NUBPL: variants seen among roughly 807,000 people sequenced by gnomAD.
The protein encoded by NUBPL is NUBP iron-sulfur cluster assembly factor, mitochondrial.
In NUBPL, 31 loss-of-function variants were observed where a neutral mutation model predicts 45.7. That is an observed-to-expected ratio of 0.68 (90% CI 0.51 to 0.92). The LOEUF (loss-of-function observed/expected upper bound fraction) is 0.92. Among genes scored for constraint, NUBPL ranks in the 40% least tolerant of loss-of-function variants. The pLI is 0.00. For missense variants in NUBPL, 401 were observed against 398.7 expected (o/e 1.01, Z -0.05); for synonymous variants, 144 against 140.9 (o/e 1.02, Z -0.15).
At chr14:31,848,700 C>A (rs751230414) in intron 9 of NUBPL, among the ~76,000 whole-genome samples, 3 of 152,204 alleles carry the variant, frequency 2.0e-5, no homozygotes, top group African/African-American at 4.8e-5. Context: ...TAGCCCATTA[C>A]CATTCTTACT....
chr14:31,570,103 C>T (rs982019603), intron 3 of NUBPL, among the ~76,000 whole-genome samples: 6 of 151,982 alleles, frequency 3.9e-5, no homozygotes, highest in Admixed American at 6.5e-5. Flanking sequence ...TGCCAGACAC[C>T]GGCAGAAAGT....
At chr14:31,720,556 G>T (rs2037785681) in intron 6 of NUBPL, among the ~76,000 whole-genome samples, 1 of 152,070 alleles carries the variant, frequency 6.6e-6, no homozygotes, top group East Asian at 1.9e-4. Context: ...AGAGTCCTTT[G>T]TGTACTTTGT....
chr14:31,570,884 A>C (rs1233630353), intron 3 of NUBPL, among the ~76,000 whole-genome samples: 1 of 152,208 alleles, frequency 6.6e-6, no homozygotes, highest in East Asian at 1.9e-4. Flanking sequence ...ACCTGCCCGT[A>C]CTTAGTTAAA....
chr14:31,786,615 C>T (rs1369636801), intron 6 of NUBPL, among the ~76,000 whole-genome samples: 1 of 152,196 alleles, frequency 6.6e-6, no homozygotes, highest in Non-Finnish European at 1.5e-5. Context: ...ATCGTCAATA[C>T]CTAGCTCAAT....
intron 4 of NUBPL, among the ~76,000 whole-genome samples, chr14:31,639,011 C>T (rs2035597690): frequency 6.6e-6 from 1 of 152,132 alleles, no homozygotes; most frequent in Non-Finnish European, 1.5e-5. Context: ...AAGTTTTTCA[C>T]TTCTTTGCCT....
chr14:31,756,292 G>T (rs1008725513), intron 6 of NUBPL, among the ~76,000 whole-genome samples: 1 of 152,174 alleles, frequency 6.6e-6, no homozygotes, highest in Admixed American at 6.5e-5. Context: ...TCCTTGGGCA[G>T]TATGGTCATT....
At chr14:31,740,636 A>G (rs1366723883) in intron 6 of NUBPL, among the ~76,000 whole-genome samples, 1 of 152,118 alleles carries the variant, frequency 6.6e-6, no homozygotes, top group East Asian at 1.9e-4. Context: ...TCTTATGCAG[A>G]GCAGAAATTT....
At chr14:31,579,831 A>G (rs2033816520) in intron 3 of NUBPL, among the ~76,000 whole-genome samples, 1 of 152,340 alleles carries the variant, frequency 6.6e-6, no homozygotes, top group South Asian at 2.1e-4. Context: ...AACTATTAAT[A>G]TCTAGGGTGT....
chr14:31,603,163 G>A (rs2034491192), intron 4 of NUBPL, among the ~76,000 whole-genome samples: 1 of 151,792 alleles, frequency 6.6e-6, no homozygotes, highest in Admixed American at 6.6e-5. Context: ...AGCTGGGCAT[G>A]GTGGCTCACA....
At chr14:31,769,813 T>C (rs2038977027) in intron 6 of NUBPL, among the ~76,000 whole-genome samples, 1 of 152,150 alleles carries the variant, frequency 6.6e-6, no homozygotes, top group Non-Finnish European at 1.5e-5. Context: ...GGAAACTTAG[T>C]GCTTACCTAA....
intron 7 of NUBPL, among the ~76,000 whole-genome samples, chr14:31,823,564 A>C (rs2040051806): frequency 6.6e-6 from 1 of 152,116 alleles, no homozygotes; most frequent in South Asian, 2.1e-4. Flanking sequence ...CCCTTAAATA[A>C]GATTACTAGG....
At chr14:31,576,964 C>T (rs2033734295) in intron 3 of NUBPL, among the ~76,000 whole-genome samples, 1 of 152,174 alleles carries the variant, frequency 6.6e-6, no homozygotes, top group Non-Finnish European at 1.5e-5. Context: ...TACTTGGTGG[C>T]TGAGAGCTCT....
intron 6 of NUBPL, 36 bp downstream of exon 6, chr14:31,673,610 G>A (rs1379211748): frequency 1.3e-6 from 2 of 1,544,916 alleles, no homozygotes; most frequent in East Asian, 2.3e-5. Context: ...TTTATCATTG[G>A]CAAAGCTGTG....
chr14:31,568,399 C>T (rs566495140), intron 3 of NUBPL, among the ~76,000 whole-genome samples: 1 of 152,294 alleles, frequency 6.6e-6, no homozygotes, highest in South Asian at 2.1e-4. Context: ...TAAACACGCC[C>T]TTCGAGGCTG....
chr14:31,830,705 G>GA (rs1445605662), intron 8 of NUBPL, among the ~76,000 whole-genome samples: 1 of 152,188 alleles, frequency 6.6e-6, no homozygotes, highest in Non-Finnish European at 1.5e-5. Context: ...TGGATAGCAA[G>GA]AAAACATGCT....
intron 3 of NUBPL, chr14:31,577,926 C>G: frequency 7.8e-7 from 1 of 1,283,136 alleles, no homozygotes; most frequent in Non-Finnish European, 1.0e-6. Context: ...ATATGTTTAT[C>G]TCATGCCATT....
chr14:31,640,608 C>T (rs1431858659), intron 4 of NUBPL, among the ~76,000 whole-genome samples: 2 of 108,058 alleles, frequency 1.9e-5, no homozygotes, highest in African/African-American at 9.6e-5. Flanking sequence ...GAGTGAGACT[C>T]TGTCTCAAAA....
intron 4 of NUBPL, among the ~76,000 whole-genome samples, chr14:31,641,446 T>C (rs2035696494): frequency 1.3e-5 from 2 of 152,198 alleles, no homozygotes; most frequent in African/African-American, 4.8e-5. Flanking sequence ...TTTCTAGGCC[T>C]GGCTTATTTC....
Position 31,611,977 on chromosome 14 carries a change from T to C in NUBPL, c.382+12598T>C, listed in dbSNP as rs570759137. Among the ~76,000 whole-genome samples the C allele has an allele frequency of 4.5e-4, 69 of 152,230 alleles. No homozygotes were observed. In the South Asian group the frequency reaches 0.013, roughly 28 times the overall value. On this transcript the variant is annotated intron_variant, in intron 4 of 10. Transcript: ENST00000281081. ...ACTGTGAAGCTACTAAAAGAAAACA[T>C]TGGGAAAGATCTCCAGGACATTGGC...
Sources: allele counts gnomAD v4.1 joint callset (sites outside exome capture counted in the v4.1 genomes callset), GRCh38; gene constraint gnomAD v4.1.1; transcripts MANE v1.5; gene names NCBI Gene and HGNC (gene_info 2026-07-23, HGNC 2026-07-21).